Variants in DLGAP2 observed in about 807,000 individuals in gnomAD.
DLGAP2 encodes the protein DLG associated protein 2.
A neutral mutation model predicts 100.3 loss-of-function variants in DLGAP2; 26 were observed. The observed-to-expected ratio is 0.26, with a 90% CI of 0.19 to 0.36. The LOEUF (loss-of-function observed/expected upper bound fraction) is 0.36, where lower values mean the gene tolerates loss of function less well. Among genes scored for constraint, DLGAP2 ranks in the 10% least tolerant of loss-of-function variants. The pLI, the probability that DLGAP2 is intolerant of heterozygous loss-of-function variation, is 1.00. For synonymous variants in DLGAP2, 886 were observed against 630.1 expected (o/e 1.41, Z -6.08); for missense variants, 1,858 against 1,453.2 (o/e 1.28, Z -4.53).
chr8:1,560,231 T>C (rs1197662426), intron 5 of DLGAP2, among the ~76,000 whole-genome samples: 3 of 152,214 alleles, frequency 2.0e-5, no homozygotes, highest in Non-Finnish European at 4.4e-5. Flanking sequence ...AGTTACATCT[T>C]TAAAAGACAT....
intron 2 of DLGAP2, among the ~76,000 whole-genome samples, chr8:1,055,818 C>T (rs1276226767): frequency 6.6e-6 from 1 of 152,236 alleles, no homozygotes. Context: ...CTGAGTCAGG[C>T]TCATTTGGGC....
At chr8:808,796 C>G (rs565557017) in intron 1 of DLGAP2, among the ~76,000 whole-genome samples, 1 of 152,224 alleles carries the variant, frequency 6.6e-6, no homozygotes, top group African/African-American at 2.4e-5. Context: ...CTAACACTTT[C>G]TCTTTGAGAG....
chr8:1,303,629 A>G (rs1800419260), intron 3 of DLGAP2, among the ~76,000 whole-genome samples: 1 of 152,074 alleles, frequency 6.6e-6, no homozygotes, highest in Non-Finnish European at 1.5e-5. Flanking sequence ...TCCTCCATCC[A>G]TGCCTCTGAA....
intron 2 of DLGAP2, among the ~76,000 whole-genome samples, chr8:1,005,847 A>T (rs1007457176): frequency 5.3e-5 from 8 of 152,148 alleles, no homozygotes; most frequent in African/African-American, 1.9e-4. Flanking sequence ...ACCTTCAGGG[A>T]ATGTGCTCCA....
At position 1,498,752 on chromosome 8, in the gene DLGAP2, T is replaced by C. The variant is rs562037811; in HGVS notation, c.107-2614T>C. Among the ~76,000 whole-genome samples the C allele has an allele frequency of 2.6e-5, 4 of 152,348 alleles. No homozygotes were observed. The East Asian group carries it at 7.7e-4, about 29-fold the overall frequency. Reference sequence around the variant, plus strand: ...TTCTCTCTCAAAGCAGCTTATTTCATACCTCAGTGACTGAAGCCACAGGAA... The same window carrying C: ...TTCTCTCTCAAAGCAGCTTATTTCACACCTCAGTGACTGAAGCCACAGGAA... On this transcript the variant is annotated intron_variant, in intron 3 of 14. Transcript: ENST00000637795.
intron 2 of DLGAP2, among the ~76,000 whole-genome samples, chr8:1,074,365 C>T (rs1426922977): frequency 6.6e-6 from 1 of 152,204 alleles, no homozygotes; most frequent in Non-Finnish European, 1.5e-5. Flanking sequence ...TCAGGATTCA[C>T]TGTCACAGAA....
rs750112386 is a variant in DLGAP2 at position 1,246,289 on chromosome 8, A to G, written c.74-12562A>G. Among the ~76,000 whole-genome samples, 7 of 152,234 alleles carry G rather than the reference A, an allele frequency of 4.6e-5. No individual in the cohort carries two copies. In the South Asian group the frequency reaches 6.2e-4, roughly 13 times the overall value. On this transcript the variant is annotated intron_variant, in intron 2 of 14. Coordinates refer to ENST00000637795, the MANE Select transcript of DLGAP2 (RefSeq NM_001346810.2). ...AAACTTGCAGTCAGTCTGGACATAT[A>G]TAAACAAATTTCCCACTATTCACAG... is the stretch of plus-strand genomic sequence containing the variant.
chr8:1,438,564 G>A (rs1419426933), intron 3 of DLGAP2, among the ~76,000 whole-genome samples: 1 of 152,100 alleles, frequency 6.6e-6, no homozygotes, highest in African/African-American at 2.4e-5. Context: ...TCAAAAGAAT[G>A]GCTGATATCG....
At chr8:1,119,217 A>C (rs1471659810) in intron 2 of DLGAP2, among the ~76,000 whole-genome samples, 2 of 152,274 alleles carry the variant, frequency 1.3e-5, no homozygotes. Context: ...TTGCAGAATA[A>C]GACGTAAATT....
At chr8:1,651,817 T>A (rs1429194329) in intron 8 of DLGAP2, among the ~76,000 whole-genome samples, 2 of 151,056 alleles carry the variant, frequency 1.3e-5, no homozygotes, top group Non-Finnish European at 3.0e-5. Context: ...TTTGAAAAGT[T>A]AAAAAAAAAC....
At chr8:1,510,017 A>T (rs1220810330) in intron 4 of DLGAP2, among the ~76,000 whole-genome samples, 1 of 152,218 alleles carries the variant, frequency 6.6e-6, no homozygotes, top group Non-Finnish European at 1.5e-5. Context: ...GATTTCCATG[A>T]CAACTAATTT....
chr8:1,175,829 C>G (rs562906334), intron 2 of DLGAP2, among the ~76,000 whole-genome samples: 2 of 152,326 alleles, frequency 1.3e-5, no homozygotes, highest in South Asian at 4.1e-4. Flanking sequence ...GAGGAAGGCA[C>G]TCGGCATTGG....
At chr8:1,697,424 C>T in intron 14 of DLGAP2, 125 bp downstream of exon 14, 1 of 1,370,260 alleles carries the variant, frequency 7.3e-7, no homozygotes, top group Non-Finnish European at 1.0e-6. Context: ...GAGCAAATTT[C>T]CCTCTATGTA....
chr8:1,615,079 G>T (rs1031451551), intron 6 of DLGAP2, among the ~76,000 whole-genome samples: 1 of 152,198 alleles, frequency 6.6e-6, no homozygotes, highest in African/African-American at 2.4e-5. Context: ...ATGGAATTTG[G>T]GGTTGCCAGA....
chr8:1,685,683 C>A (rs550375305), intron 12 of DLGAP2, among the ~76,000 whole-genome samples: 1 of 151,948 alleles, frequency 6.6e-6, no homozygotes, highest in African/African-American at 2.4e-5. Context: ...CTGCAAACTG[C>A]CCATCTGACA....
chr8:1,689,868 T>A (rs1284583991), intron 12 of DLGAP2, among the ~76,000 whole-genome samples: 1 of 152,198 alleles, frequency 6.6e-6, no homozygotes, highest in Middle Eastern at 3.2e-3. Flanking sequence ...CACATACGTG[T>A]ACTGGGCACG....
chr8:1,653,575 C>T (rs954360335), intron 8 of DLGAP2, among the ~76,000 whole-genome samples: 1 of 152,232 alleles, frequency 6.6e-6, no homozygotes, highest in Non-Finnish European at 1.5e-5. Flanking sequence ...GGACCAACGG[C>T]AGCCCTCTGA....
At chr8:1,255,506 C>T (rs1799179860) in intron 2 of DLGAP2, among the ~76,000 whole-genome samples, 1 of 125,014 alleles carries the variant, frequency 8.0e-6, no homozygotes, top group African/African-American at 3.5e-5. Context: ...TGCCCGGGCG[C>T]TGTGTGTGTG....
At chr8:1,199,509 T>G (rs142063080) in intron 2 of DLGAP2, among the ~76,000 whole-genome samples, 21 of 152,328 alleles carry the variant, frequency 1.4e-4, no homozygotes, top group Non-Finnish European at 2.9e-4. Context: ...AGGCTGCCTG[T>G]GTGTCTGGAT....
Sources: allele counts gnomAD v4.1 joint callset (sites outside exome capture counted in the v4.1 genomes callset), GRCh38; gene constraint gnomAD v4.1.1; transcripts MANE v1.5; gene names NCBI Gene and HGNC (gene_info 2026-07-23, HGNC 2026-07-21).